Variants in OXR1 observed in about 807,000 individuals in gnomAD.
The protein encoded by OXR1 is oxidation resistance 1.
OXR1 carries 41 observed loss-of-function variants against 104.6 expected under a neutral mutation model. The observed-to-expected ratio is 0.39, with a 90% CI of 0.31 to 0.51. OXR1 has a LOEUF of 0.51. Ranked by LOEUF, OXR1 falls within the 20% of genes least tolerant of loss-of-function variation. The probability of loss-of-function intolerance (pLI) is 0.77; values close to 1 mark genes in which losing one functional copy is unlikely to be tolerated. For synonymous variants in OXR1, 348 were observed against 348.4 expected (o/e 1.00, Z 0.01); for missense variants, 955 against 1,031.9 (o/e 0.93, Z 1.02).
intron 3 of OXR1, among the ~76,000 whole-genome samples, chr8:106,523,271 T>C (rs1412789145): frequency 1.3e-5 from 2 of 152,206 alleles, no homozygotes; most frequent in Non-Finnish European, 2.9e-5. Context: ...ATCACCCAGG[T>C]AATTTTTCTG....
chr8:106,492,247 A>G (rs560346711), intron 2 of OXR1, among the ~76,000 whole-genome samples: 149 of 152,278 alleles, frequency 9.8e-4, no homozygotes, highest in African/African-American at 3.4e-3. Context: ...AACTCATCCA[A>G]CTTTCAGCAA....
intron 1 of OXR1, among the ~76,000 whole-genome samples, chr8:106,333,852 T>C (rs192955462): frequency 6.6e-6 from 1 of 152,268 alleles, no homozygotes; most frequent in African/African-American, 2.4e-5. Flanking sequence ...ACACTGTTTT[T>C]ATTATTGTAA....
At chr8:106,625,826 A>C (rs1167730813) in intron 3 of OXR1, among the ~76,000 whole-genome samples, 1 of 152,174 alleles carries the variant, frequency 6.6e-6, no homozygotes, top group East Asian at 1.9e-4. Context: ...AGTGAGCTAT[A>C]GTTACTTTTC....
intron 3 of OXR1, among the ~76,000 whole-genome samples, chr8:106,590,840 C>A (rs1474697207): frequency 1.3e-5 from 2 of 152,182 alleles, no homozygotes; most frequent in East Asian, 3.9e-4. Flanking sequence ...GGGTCTAGCT[C>A]AGCTGGCGGG....
At chr8:106,736,604 T>C (rs755106169) in intron 11 of OXR1, among the ~76,000 whole-genome samples, 13 of 152,202 alleles carry the variant, frequency 8.5e-5, no homozygotes, top group Non-Finnish European at 1.6e-4. Flanking sequence ...GTTTTTAGAA[T>C]TATGTCATGA....
intron 2 of OXR1, among the ~76,000 whole-genome samples, chr8:106,413,970 C>T (rs562692719): frequency 1.3e-5 from 2 of 152,198 alleles, no homozygotes; most frequent in African/African-American, 4.8e-5. Context: ...TCAAGTGATC[C>T]ACCCATCCCA....
intron 1 of OXR1, among the ~76,000 whole-genome samples, chr8:106,350,169 C>T (rs574170109): frequency 3.9e-5 from 6 of 152,200 alleles, no homozygotes; most frequent in African/African-American, 1.2e-4. Context: ...AGCTTACAAT[C>T]GCATTAAAGT....
intron 3 of OXR1, among the ~76,000 whole-genome samples, chr8:106,585,988 G>T (rs964772421): frequency 6.6e-6 from 1 of 152,146 alleles, no homozygotes; most frequent in Non-Finnish European, 1.5e-5. Flanking sequence ...CTCCCAATTA[G>T]ACTTTTTACT....
intron 1 of OXR1, among the ~76,000 whole-genome samples, chr8:106,319,151 C>CT (rs1814106200): frequency 6.6e-6 from 1 of 152,196 alleles, no homozygotes; most frequent in Non-Finnish European, 1.5e-5. Context: ...AAACTGATTG[C>CT]TTCATGGGTT....
intron 2 of OXR1, among the ~76,000 whole-genome samples, chr8:106,409,171 G>A (rs1358778182): frequency 5.9e-5 from 9 of 152,044 alleles, no homozygotes; most frequent in Non-Finnish European, 1.2e-4. Flanking sequence ...CCCCACACAT[G>A]ACTTAGCTAA....
At chr8:106,615,328 A>G (rs990977578) in intron 3 of OXR1, among the ~76,000 whole-genome samples, 2 of 151,666 alleles carry the variant, frequency 1.3e-5, no homozygotes, top group African/African-American at 4.9e-5. Context: ...GCTACTCAGG[A>G]GGCTGAGGCA....
intron 16 of OXR1, among the ~76,000 whole-genome samples, chr8:106,748,419 C>T (rs1835575294): frequency 6.6e-6 from 1 of 152,064 alleles, no homozygotes; most frequent in South Asian, 2.1e-4. Flanking sequence ...ATCAGAACGT[C>T]ATCACTGGTT....
At chr8:106,414,784 A>G (rs1258797048) in intron 2 of OXR1, among the ~76,000 whole-genome samples, 1 of 152,134 alleles carries the variant, frequency 6.6e-6, no homozygotes, top group Non-Finnish European at 1.5e-5. Context: ...CTGGAAAGGA[A>G]GGTTAGCAAC....
intron 3 of OXR1, among the ~76,000 whole-genome samples, chr8:106,589,265 G>A (rs958089471): frequency 6.6e-6 from 1 of 151,856 alleles, no homozygotes; most frequent in Non-Finnish European, 1.5e-5. Flanking sequence ...GAGTTCCATC[G>A]CAGGGCACAC....
At chr8:106,529,913 T>A (rs1813967587) in intron 3 of OXR1, among the ~76,000 whole-genome samples, 1 of 152,236 alleles carries the variant, frequency 6.6e-6, no homozygotes, top group African/African-American at 2.4e-5. Flanking sequence ...TGTTCATGGT[T>A]GAGAAATAAG....
At chr8:106,329,021 A>G (rs1367794230) in intron 1 of OXR1, among the ~76,000 whole-genome samples, 2 of 124,558 alleles carry the variant, frequency 1.6e-5, no homozygotes, top group Non-Finnish European at 3.2e-5. Flanking sequence ...TCTGAGTTGG[A>G]GTCTCTGTTG....
intron 3 of OXR1, among the ~76,000 whole-genome samples, chr8:106,614,706 G>T (rs1445562017): frequency 2.6e-5 from 4 of 152,094 alleles, no homozygotes; most frequent in Admixed American, 1.3e-4. Flanking sequence ...AGAACAAATG[G>T]CCAAATATTG....
rs531097163 is a variant in OXR1 at position 106,291,770 on chromosome 8, C to A, written c.-139+21403C>A. On this transcript the variant is annotated intron_variant, in intron 1 of 16. Coordinates refer to ENST00000517566, the MANE Select transcript of OXR1 (RefSeq NM_001198533.2). ...GTTCCACATGGCTGGGGAGGGCTCA[C>A]AATCATGGCAGAAGGCAAAGGAGAA... is the stretch of plus-strand genomic sequence containing the variant. 3.0e-3 allele frequency among the ~76,000 whole-genome samples: 461 copies of A among 152,214 alleles called. 1 individual carries two copies. Among genetic ancestry groups the A allele is most frequent in the African/African-American group, 0.011 (442 of 41,542 alleles).
rs565092333 is a variant in OXR1, at chr8:106,553,476, AC to A, written c.220+34339del. On this transcript the variant is annotated intron_variant, in intron 3 of 16. Transcript: ENST00000517566. ...TGGGACTACAGGTGTGTGCCACCAC[AC>A]CTGGCTAAATTTTTATATGATTTCT... Among the ~76,000 whole-genome samples, 17 of 151,776 alleles carry A rather than the reference AC, an allele frequency of 1.1e-4. No homozygotes were observed. The East Asian group carries it at 2.7e-3, about 24-fold the overall frequency.
Sources: gnomAD v4.1 joint callset for allele counts (sites outside exome capture counted in the v4.1 genomes callset) on GRCh38, gnomAD v4.1.1 for gene constraint, MANE v1.5 for transcripts, NCBI Gene and HGNC (gene_info 2026-07-23, HGNC 2026-07-21) for gene names.